ARHGAP6: variants seen among roughly 807,000 people sequenced by gnomAD.
The protein encoded by ARHGAP6 is Rho GTPase activating protein 6.
ARHGAP6 carries 16 observed loss-of-function variants against 55.7 expected under a neutral mutation model. The observed-to-expected ratio is 0.29, with a 90% confidence interval of 0.19 to 0.44. ARHGAP6 has a LOEUF of 0.44. Ranked by LOEUF, ARHGAP6 falls within the 20% of genes least tolerant of loss-of-function variation. The pLI is 1.00. For synonymous variants in ARHGAP6, 382 were observed against 360.9 expected (o/e 1.06, Z -0.66); for missense variants, 698 against 808.9 (o/e 0.86, Z 1.66).
chrX:11,512,575 A>C (rs1219300403), intron 1 of ARHGAP6, among the ~76,000 whole-genome samples: 2 of 111,533 alleles, frequency 1.8e-5, no homozygotes, highest in Admixed American at 1.9e-4. Flanking sequence ...CTGGTGGCAT[A>C]AGAGATGGTA....
intron 1 of ARHGAP6, among the ~76,000 whole-genome samples, chrX:11,490,600 G>A (rs2050557936): frequency 8.9e-6 from 1 of 111,848 alleles, no homozygotes; most frequent in African/African-American, 3.3e-5. Flanking sequence ...TTGTTATGCA[G>A]CAATAGAAAA....
chrX:11,591,427 C>A (rs904617003), intron 1 of ARHGAP6, among the ~76,000 whole-genome samples: 34 of 108,682 alleles, frequency 3.1e-4, no homozygotes, highest in African/African-American at 1.1e-3. Flanking sequence ...TTTAAAGCCT[C>A]TATTATTAAT....
chrX:11,417,370 G>T (rs1163526504), intron 1 of ARHGAP6, among the ~76,000 whole-genome samples: 1 of 108,432 alleles, frequency 9.2e-6, no homozygotes, highest in Non-Finnish European at 1.9e-5. Flanking sequence ...GGTAGCATGG[G>T]GGGAGTGCTT....
chrX:11,263,693 A>G (rs1429043834), intron 1 of ARHGAP6, among the ~76,000 whole-genome samples: 1 of 111,243 alleles, frequency 9.0e-6, no homozygotes, highest in Non-Finnish European at 1.9e-5. Flanking sequence ...GCCCAGGCAG[A>G]GACTGGTTGA....
At chrX:11,579,122 G>T (rs1369843375) in intron 1 of ARHGAP6, among the ~76,000 whole-genome samples, 1 of 110,675 alleles carries the variant, frequency 9.0e-6, no homozygotes, top group Non-Finnish European at 1.9e-5. Context: ...AACCAACATG[G>T]CACATGCATA....
chrX:11,661,381 C>T (rs779272593), intron 1 of ARHGAP6, among the ~76,000 whole-genome samples: 6 of 112,565 alleles, frequency 5.3e-5, no homozygotes, highest in East Asian at 2.8e-4. Context: ...TCCTGAAACA[C>T]GTAGTGAGGA....
chrX:11,246,597 G>A (rs1367958210), intron 2 of ARHGAP6, among the ~76,000 whole-genome samples: 3 of 112,012 alleles, frequency 2.7e-5, no homozygotes, highest in Non-Finnish European at 3.8e-5. Context: ...CCAATAAGAC[G>A]TAGCCCTACT....
chrX:11,567,553 C>CAAAAAA (rs200460504), intron 1 of ARHGAP6, among the ~76,000 whole-genome samples: 3 of 71,802 alleles, frequency 4.2e-5, no homozygotes, highest in African/African-American at 5.6e-5. Flanking sequence ...GACTCCATCT[C>CAAAAAA]AAAAAAAAAA....
chrX:11,464,987 A>G (rs1315161102), intron 1 of ARHGAP6, among the ~76,000 whole-genome samples: 1 of 111,784 alleles, frequency 8.9e-6, no homozygotes, highest in African/African-American at 3.3e-5. Flanking sequence ...TTCATCTGTT[A>G]TCTTTCAGCT....
At position 11,275,793 on chromosome X, in the gene ARHGAP6, G is replaced by T. The variant is rs780971760; in HGVS notation, c.589-21086C>A. Among the ~76,000 whole-genome samples the T allele has an allele frequency of 7.2e-5, 8 of 111,542 alleles. No individual in the cohort carries two copies. In the East Asian group the frequency reaches 2.3e-3, roughly 32 times the overall value. The stretch of plus-strand genomic sequence containing the variant: ...ATGGAAGAGCCCAGAGGACTTCATG[G>T]TTAGGGTGAGGGGTGCTCTCAGCCC... On this transcript the variant is annotated intron_variant, in intron 1 of 12. Transcript: ENST00000337414.
At chrX:11,473,460 G>C in intron 1 of ARHGAP6, among the ~76,000 whole-genome samples, 1 of 111,581 alleles carries the variant, frequency 9.0e-6, no homozygotes, top group Admixed American at 9.5e-5. Context: ...AAATTTGTAA[G>C]GGTGTCCTTA....
intron 1 of ARHGAP6, among the ~76,000 whole-genome samples, chrX:11,557,508 A>G (rs773827933): frequency 2.7e-5 from 3 of 111,516 alleles, no homozygotes; most frequent in Non-Finnish European, 5.7e-5. Context: ...ATGAAGAAAA[A>G]GACCCAAAGA....
At chrX:11,174,651 C>CT (rs1314265538) in intron 8 of ARHGAP6, among the ~76,000 whole-genome samples, 8 of 73,776 alleles carry the variant, frequency 1.1e-4, no homozygotes, top group South Asian at 7.0e-4. Context: ...TTCTTTCTTT[C>CT]TTTCTTTCTT....
Position 11,139,350 on chromosome X carries a change from G to A in ARHGAP6, c.2438C>T (p.Pro813Leu). The change falls in exon 13 of 13, where the codon CCT becomes CTT. Residue 813 changes from proline to leucine, a missense_variant. By Grantham distance (98) the Pro-to-Leu change is moderately conservative. Around this residue, in one of 3 missense-constraint regions of ARHGAP6, gnomAD observed 212 missense variants for 208.7 expected, o/e 1.02. Coordinates refer to ENST00000337414, the MANE Select transcript of ARHGAP6 (RefSeq NM_013427.3). ...AAPATEGRAH[P>L]AVSRACSTPH... ...CGTGCTGCAGGCGCGCGACACCGCA[G>A]GGTGGGCCCTGCCCTCCGTCGCGGG... The A allele has an allele frequency of 8.5e-7, 1 of 1,180,096 alleles. No homozygotes were observed. Among genetic ancestry groups the A allele is most frequent in the Non-Finnish European group, 1.1e-6 (1 of 881,134 alleles).
chrX:11,304,940 C>T (rs1357560969), intron 1 of ARHGAP6, among the ~76,000 whole-genome samples: 1 of 108,073 alleles, frequency 9.3e-6, no homozygotes, highest in African/African-American at 3.4e-5. Flanking sequence ...CCAGGCACCA[C>T]CATGCCTGGC....
intron 5 of ARHGAP6, among the ~76,000 whole-genome samples, chrX:11,182,917 A>T (rs1291677857): frequency 2.7e-5 from 3 of 110,862 alleles, no homozygotes; most frequent in Non-Finnish European, 5.7e-5. Context: ...TGCCTAGCTA[A>T]TCTTTCATTT....
intron 8 of ARHGAP6, among the ~76,000 whole-genome samples, chrX:11,174,598 TTCTTTC>T (rs1569241340): frequency 8.5e-5 from 8 of 94,188 alleles, no homozygotes; most frequent in Non-Finnish European, 1.5e-4. Flanking sequence ...TTCTTTTTCT[TTCTTTC>T]TTTCTTTCTT....
intron 1 of ARHGAP6, among the ~76,000 whole-genome samples, chrX:11,643,213 T>C (rs990840457): frequency 1.8e-5 from 2 of 111,947 alleles, no homozygotes; most frequent in African/African-American, 3.2e-5. Context: ...TCTTTCTTCT[T>C]AGCACAAAGC....
intron 1 of ARHGAP6, among the ~76,000 whole-genome samples, chrX:11,615,253 C>T (rs925349752): frequency 3.6e-5 from 4 of 111,713 alleles, no homozygotes; most frequent in Admixed American, 2.8e-4. Context: ...GCAACCTTCT[C>T]TTTGCATTCT....
Sources: gnomAD v4.1 joint callset for allele counts (sites outside exome capture counted in the v4.1 genomes callset) on GRCh38, gnomAD v4.1.1 for gene constraint, gnomAD v4.1.1 regional missense constraint, MANE v1.5 for transcripts, NCBI Gene and HGNC (gene_info 2026-07-23, HGNC 2026-07-21) for gene names.